DMD: variants seen among roughly 807,000 people sequenced by gnomAD.
DMD encodes the protein dystrophin.
Under a neutral mutation model 330.1 loss-of-function variants are expected in DMD, and 63 were observed. That is an observed-to-expected ratio of 0.19 (90% CI 0.16 to 0.24). The LOEUF (loss-of-function observed/expected upper bound fraction) is 0.24, where lower values mean the gene tolerates loss of function less well. Among genes scored for constraint, DMD ranks in the 10% least tolerant of loss-of-function variants. DMD has a pLI of 1.00. For synonymous variants in DMD, 1,223 were observed against 959.8 expected (o/e 1.27, Z -5.07); for missense variants, 3,344 against 2,684.1 (o/e 1.25, Z -5.43).
chrX:33,168,559 A>G (rs889544883), intron 1 of DMD, among the ~76,000 whole-genome samples: 2 of 110,816 alleles, frequency 1.8e-5, no homozygotes, highest in African/African-American at 6.5e-5. Context: ...AAGGAAATTA[A>G]ACATATTAAA....
chrX:32,165,069 G>A (rs2096863283), intron 44 of DMD, among the ~76,000 whole-genome samples: 1 of 112,435 alleles, frequency 8.9e-6, no homozygotes, highest in South Asian at 3.7e-4. Context: ...AGACCTCATG[G>A]AGAACCTCGG....
rs772603087 is a variant in DMD at position 32,310,123 on chromosome X, T to C, written c.6076A>G (p.Lys2026Glu). ...QLLNAPDLCA[K>E]DFEDLFKQEE... is the part of the protein sequence containing the mutation. ...TGCTTAAAGAGATCTTCAAAGTCCTTAGCACAGAGGTCAGGAGCATTGAGA... is the reference window on the plus strand; with the variant it reads ...TGCTTAAAGAGATCTTCAAAGTCCTCAGCACAGAGGTCAGGAGCATTGAGA... Residue 2026 changes from lysine (K) to glutamate (E), a missense_variant, in exon 42 of 79, where the codon AAG (lysine) becomes GAG (glutamate). By Grantham distance (56) the Lys-to-Glu change is moderately conservative (BLOSUM62 1). Coordinates refer to ENST00000357033, the MANE Select transcript of DMD (RefSeq NM_004006.3). 3 of 1,207,682 alleles carry C rather than the reference T, an allele frequency of 2.5e-6. No individual in the cohort carries two copies. Among genetic ancestry groups the C allele is most frequent in the Non-Finnish European group, 3.4e-6 (3 of 893,600 alleles).
Position 31,984,895 on chromosome X carries a change from G to A in DMD, c.6439-16381C>T, listed in dbSNP as rs1000125045. 5.4e-5 allele frequency among the ~76,000 whole-genome samples: 6 copies of A among 112,023 alleles called. No individual in the cohort carries two copies. The East Asian group carries it at 8.4e-4, about 16-fold the overall frequency. On this transcript the variant is annotated intron_variant, in intron 44 of 78. Coordinates refer to ENST00000357033, the MANE Select transcript of DMD (RefSeq NM_004006.3). ...CAACAGTGTGATGTCTGTCCTGGCCGAGAGTATGTGGGATGATTTATCTCA... is the reference window on the plus strand; with the variant it reads ...CAACAGTGTGATGTCTGTCCTGGCCAAGAGTATGTGGGATGATTTATCTCA...
At chrX:31,889,616 C>G (rs1210472641) in intron 47 of DMD, among the ~76,000 whole-genome samples, 1 of 69,777 alleles carries the variant, frequency 1.4e-5, no homozygotes, top group African/African-American at 5.9e-5. Flanking sequence ...TAATCTCTCT[C>G]TCTGTCTCTC....
At chrX:33,051,687 C>G (rs1603099836) in intron 1 of DMD, among the ~76,000 whole-genome samples, 1 of 84,441 alleles carries the variant, frequency 1.2e-5, no homozygotes, top group African/African-American at 5.5e-5. Context: ...CGGCTCTGTT[C>G]CCCAGGCTGG....
rs781654117 is a variant in DMD, at chrX:31,570,725, C to G, written c.8217+56948G>C. The stretch of plus-strand genomic sequence containing the variant: ...AATTTATTTGTAGATGACAAAGATT[C>G]CTTTTGGTAGGTTCTGGCACTCAAG... On this transcript the variant is annotated intron_variant, in intron 55 of 78. Coordinates refer to ENST00000357033, the MANE Select transcript of DMD (RefSeq NM_004006.3). Among the ~76,000 whole-genome samples the G allele has an allele frequency of 7.2e-5, 8 of 110,547 alleles. No individual in the cohort carries two copies. In the South Asian group the frequency reaches 3.1e-3, roughly 42 times the overall value.
intron 53 of DMD, among the ~76,000 whole-genome samples, chrX:31,664,818 C>T (rs984935316): frequency 9.1e-6 from 1 of 109,612 alleles, no homozygotes. Context: ...CACCTACATA[C>T]AACTGCGTAA....
At chrX:32,814,131 C>A (rs1266274147) in intron 6 of DMD, among the ~76,000 whole-genome samples, 1 of 111,623 alleles carries the variant, frequency 9.0e-6, no homozygotes, top group Non-Finnish European at 1.9e-5. Flanking sequence ...TCCCTTTGCT[C>A]CTGATTCTAG....
intron 50 of DMD, among the ~76,000 whole-genome samples, chrX:31,806,143 G>A (rs1443327183): frequency 8.9e-6 from 1 of 112,200 alleles, no homozygotes; most frequent in Non-Finnish European, 1.9e-5. Flanking sequence ...TTCTTGAAGT[G>A]ACTTACATTA....
intron 74 of DMD, among the ~76,000 whole-genome samples, chrX:31,164,017 T>C (rs1026235175): frequency 8.0e-5 from 9 of 111,973 alleles, no homozygotes; most frequent in African/African-American, 1.9e-4. Flanking sequence ...GGGGAGAAGG[T>C]TGGAGAAGGA....
chrX:33,261,513 G>A (rs1482810562), intron 1 of DMD, among the ~76,000 whole-genome samples: 1 of 109,230 alleles, frequency 9.2e-6, no homozygotes, highest in Non-Finnish European at 1.9e-5. Flanking sequence ...ACAAGTTATG[G>A]CAAAAGTTCA....
At chrX:32,639,981 CACTTGAGGCCAGGA>C (rs2059346746) in intron 11 of DMD, among the ~76,000 whole-genome samples, 1 of 110,174 alleles carries the variant, frequency 9.1e-6, no homozygotes, top group Non-Finnish European at 1.9e-5. Context: ...GGGAGAGGAT[CACTTGAGGCCAGGA>C]GCTTGAGACT....
chrX:32,055,174 T>C (rs1367413749), intron 44 of DMD, among the ~76,000 whole-genome samples: 4 of 111,295 alleles, frequency 3.6e-5, no homozygotes, highest in Non-Finnish European at 5.7e-5. Flanking sequence ...TCGTCCCTTA[T>C]ATCAGACTCA....
chrX:33,229,931 T>C (rs2052359722), intron 1 of DMD, among the ~76,000 whole-genome samples: 1 of 112,330 alleles, frequency 8.9e-6, no homozygotes, highest in East Asian at 2.8e-4. Flanking sequence ...TAATTTTTTA[T>C]CATGCTGTGT....
At chrX:32,166,435 G>A (rs1027850714) in intron 44 of DMD, among the ~76,000 whole-genome samples, 3 of 111,057 alleles carry the variant, frequency 2.7e-5, no homozygotes, top group African/African-American at 6.5e-5. Flanking sequence ...ACCAGCTTAG[G>A]CAACAGAATG....
intron 56 of DMD, among the ~76,000 whole-genome samples, chrX:31,505,781 G>A (rs1042551133): frequency 9.0e-6 from 1 of 110,724 alleles, no homozygotes; most frequent in Non-Finnish European, 1.9e-5. Flanking sequence ...CTACAGGCGC[G>A]TGCCACCATG....
chrX:32,588,250 G>T (rs2054508038), intron 13 of DMD, among the ~76,000 whole-genome samples: 1 of 112,096 alleles, frequency 8.9e-6, no homozygotes, highest in South Asian at 3.7e-4. Flanking sequence ...AAAAGTATAT[G>T]ATCGGTGCCC....
At chrX:32,648,581 G>A (rs1317073236) in intron 9 of DMD, among the ~76,000 whole-genome samples, 1 of 111,710 alleles carries the variant, frequency 9.0e-6, no homozygotes, top group Non-Finnish European at 1.9e-5. Flanking sequence ...TCTAAGGTGA[G>A]ATTAAACTTT....
At chrX:32,029,044 C>A (rs1386185562) in intron 44 of DMD, among the ~76,000 whole-genome samples, 3 of 110,933 alleles carry the variant, frequency 2.7e-5, no homozygotes, top group Non-Finnish European at 5.7e-5. Context: ...TTTCCCCCAA[C>A]AACCCTGCAG....
Sources: gnomAD v4.1 joint callset for allele counts (sites outside exome capture counted in the v4.1 genomes callset) on GRCh38, gnomAD v4.1.1 for gene constraint, MANE v1.5 for transcripts, NCBI Gene and HGNC (gene_info 2026-07-23, HGNC 2026-07-21) for gene names.